Variants in TSC22D1 observed in about 807,000 individuals in gnomAD.
TSC22D1 encodes the protein TSC22 domain family member 1.
In TSC22D1, 9 loss-of-function variants were observed where a neutral mutation model predicts 74.2. The observed-to-expected ratio is 0.12, with a 90% CI of 0.07 to 0.21. The LOEUF is 0.21. Among genes scored for constraint, TSC22D1 ranks in the 10% least tolerant of loss-of-function variants. TSC22D1 has a pLI of 1.00. For synonymous variants in TSC22D1, 586 were observed against 492.5 expected (o/e 1.19, Z -2.51); for missense variants, 1,427 against 1,304.7 (o/e 1.09, Z -1.44).
At chr13:44,511,619 T>TACACACACACAC (rs66743224) in intron 1 of TSC22D1, among the ~76,000 whole-genome samples, 3 of 148,070 alleles carry the variant, frequency 2.0e-5, no homozygotes, top group African/African-American at 5.0e-5. Flanking sequence ...TAAAAAGAAA[T>TACACACACACAC]ACACACACAC....
chr13:44,487,446 C>A (rs1332595298), intron 1 of TSC22D1, among the ~76,000 whole-genome samples: 9 of 130,480 alleles, frequency 6.9e-5, no homozygotes, highest in African/African-American at 2.5e-4. Flanking sequence ...TTGCAGTGAG[C>A]CGCGATCGTG....
At chr13:44,437,405 A>G (rs1363895994) in intron 1 of TSC22D1, 1 of 294,802 alleles carries the variant, frequency 3.4e-6, no homozygotes, top group Non-Finnish European at 5.0e-6. Flanking sequence ...GCAATCATGT[A>G]TTTTTTTAAT....
At chr13:44,523,388 C>T (rs2138046133) in intron 1 of TSC22D1, among the ~76,000 whole-genome samples, 1 of 152,274 alleles carries the variant, frequency 6.6e-6, no homozygotes, top group East Asian at 1.9e-4. Flanking sequence ...AAACATCAAG[C>T]AACCAAGCTG....
intron 1 of TSC22D1, among the ~76,000 whole-genome samples, chr13:44,453,493 T>C (rs1349378924): frequency 6.6e-6 from 1 of 152,248 alleles, no homozygotes; most frequent in Admixed American, 6.5e-5. Context: ...TTTATATGTA[T>C]TTATTACTTG....
chr13:44,488,826 T>G (rs1417377838), intron 1 of TSC22D1, among the ~76,000 whole-genome samples: 3 of 152,140 alleles, frequency 2.0e-5, no homozygotes, highest in Admixed American at 1.3e-4. Context: ...TTAAAGAGAC[T>G]GAAATAAACA....
chr13:44,531,151 T>C (rs957172554), intron 1 of TSC22D1, among the ~76,000 whole-genome samples: 1 of 152,136 alleles, frequency 6.6e-6, no homozygotes, highest in Non-Finnish European at 1.5e-5. Context: ...TACTGGTTCA[T>C]CAATTATAAC....
chr13:44,454,750 C>T (rs891314120), intron 1 of TSC22D1, among the ~76,000 whole-genome samples: 41 of 152,030 alleles, frequency 2.7e-4, no homozygotes, highest in Non-Finnish European at 5.1e-4. Context: ...TTATTATTCC[C>T]ATTCATATAG....
chr13:44,577,129 C>G (rs1370820387), upstream of TSC22D1: 1 of 152,552 alleles, frequency 6.6e-6, no homozygotes, highest in Admixed American at 6.5e-5. Context: ...CGTTGGTGGC[C>G]AGACGGGCTG....
At chr13:44,542,152 G>A (rs962483804) in intron 1 of TSC22D1, among the ~76,000 whole-genome samples, 1 of 151,814 alleles carries the variant, frequency 6.6e-6, no homozygotes, top group African/African-American at 2.4e-5. Flanking sequence ...CTTTCCAGTC[G>A]TTTTCAATAG....
chr13:44,459,425 A>G (rs949642106), intron 1 of TSC22D1, among the ~76,000 whole-genome samples: 4 of 152,076 alleles, frequency 2.6e-5, no homozygotes, highest in African/African-American at 9.7e-5. Context: ...GCAGCCACCC[A>G]CTTTGGGTCT....
At chr13:44,447,678 CTG>C (rs1875793249) in intron 1 of TSC22D1, among the ~76,000 whole-genome samples, 1 of 151,710 alleles carries the variant, frequency 6.6e-6, no homozygotes, top group African/African-American at 2.4e-5. Flanking sequence ...TACATTTTTT[CTG>C]TATTTTTCTC....
At position 44,576,053 on chromosome 13, in the gene TSC22D1, T is replaced by G; in HGVS notation, c.22A>C (p.Thr8Pro). ...TCTGCAGCGGCGGCGGCCGCGGCGG[T>G]GGACTCAGGCGGCTGGTGCATTGTG... MHQPPES[T>P]AAAAAAADIS... Residue 8 changes from threonine to proline, a missense_variant, in exon 1 of 3, where the codon ACC (threonine) becomes CCC (proline). Coordinates refer to ENST00000458659, the MANE Select transcript of TSC22D1 (RefSeq NM_183422.4). 6.4e-7 allele frequency: 1 copy of G among 1,564,626 alleles called. No homozygotes were observed. The highest frequency in any genetic ancestry group is 8.6e-7 in the Non-Finnish European group (1 of 1,157,828).
chr13:44,500,968 G>A (rs1879198173), intron 1 of TSC22D1, among the ~76,000 whole-genome samples: 1 of 152,196 alleles, frequency 6.6e-6, no homozygotes, highest in African/African-American at 2.4e-5. Context: ...TTACAGGCAT[G>A]AGCAACTATG....
Position 44,434,013 on chromosome 13 carries a change from GCCTA to G in TSC22D1, c.*609_*612del. On this transcript the variant is annotated 3_prime_UTR_variant, in exon 3 of 3. Coordinates refer to ENST00000458659, the MANE Select transcript of TSC22D1 (RefSeq NM_183422.4). ...GCAAAACAACCTTCATGGTAAGATA[GCCTA>G]GGTCCCAGCTACCTGTCACCATTTT... 1 of 1,533,870 alleles carries G rather than the reference GCCTA, an allele frequency of 6.5e-7. No homozygotes were observed. Among genetic ancestry groups the G allele is most frequent in the Non-Finnish European group, 8.7e-7 (1 of 1,146,470 alleles).
At chr13:44,436,138 A>C (rs1228227337) in intron 1 of TSC22D1, 43 bp from the exon 2 acceptor site, 2 of 1,594,524 alleles carry the variant, frequency 1.3e-6, no homozygotes, top group African/African-American at 2.7e-5. Context: ...AATGGAATTT[A>C]TCTTAAGCTT....
intron 1 of TSC22D1, among the ~76,000 whole-genome samples, chr13:44,569,868 CA>C (rs1188308176): frequency 3.3e-5 from 5 of 151,554 alleles, no homozygotes; most frequent in Non-Finnish European, 7.4e-5. Flanking sequence ...CTAATTAATT[CA>C]AAAAAATAAT....
chr13:44,452,960 T>A (rs1876268684), intron 1 of TSC22D1: 1 of 152,290 alleles, frequency 6.6e-6, no homozygotes, highest in Non-Finnish European at 1.5e-5. Context: ...GTTTTCAAAA[T>A]GCTAACAGGT....
At chr13:44,469,579 C>G (rs1595100514) in intron 1 of TSC22D1, among the ~76,000 whole-genome samples, 1 of 152,018 alleles carries the variant, frequency 6.6e-6, no homozygotes, top group African/African-American at 2.4e-5. Context: ...AAACTCTGCC[C>G]CAAAGCAACA....
upstream of TSC22D1, chr13:44,576,358 A>C: frequency 5.3e-6 from 2 of 374,326 alleles, no homozygotes; most frequent in African/African-American, 2.1e-5. Flanking sequence ...CCCCCTTTAT[A>C]TTCTGCTTCA....
Sources: gnomAD v4.1 joint callset for allele counts (sites outside exome capture counted in the v4.1 genomes callset) on GRCh38, gnomAD v4.1.1 for gene constraint, MANE v1.5 for transcripts, NCBI Gene and HGNC (gene_info 2026-07-23, HGNC 2026-07-21) for gene names.